EDA: variants seen among roughly 807,000 people sequenced by gnomAD.
EDA encodes the protein ectodysplasin A.
A neutral mutation model predicts 23.6 loss-of-function variants in EDA; 2 were observed. The observed-to-expected ratio is 0.08, with a 90% CI of 0.03 to 0.27. EDA has a LOEUF of 0.27. Ranked by LOEUF, EDA falls within the 10% of genes least tolerant of loss-of-function variation. The pLI is 1.00. For synonymous variants in EDA, 131 were observed against 132.0 expected (o/e 0.99, Z 0.05); for missense variants, 229 against 324.2 (o/e 0.71, Z 2.26).
chrX:69,778,232 C>A (rs1298973519), intron 1 of EDA, among the ~76,000 whole-genome samples: 1 of 111,057 alleles, frequency 9.0e-6, no homozygotes, highest in Non-Finnish European at 1.9e-5. Flanking sequence ...AAATAGAGAC[C>A]CCTACAAATA....
chrX:69,773,587 T>C (rs780294104), intron 1 of EDA, among the ~76,000 whole-genome samples: 25 of 111,658 alleles, frequency 2.2e-4, no homozygotes, highest in Non-Finnish European at 4.5e-4. Flanking sequence ...TTTTCTGTTT[T>C]TGTTGTTGTT....
At chrX:69,690,077 C>T (rs1001377960) in intron 1 of EDA, among the ~76,000 whole-genome samples, 2 of 106,922 alleles carry the variant, frequency 1.9e-5, no homozygotes, top group African/African-American at 6.8e-5. Context: ...TGTGTGGATT[C>T]CTTAGACTTT....
chrX:69,909,505 G>T (rs143148257), intron 1 of EDA, among the ~76,000 whole-genome samples: 1,376 of 112,128 alleles, frequency 0.012, 14 homozygotes, highest in African/African-American at 0.04. Flanking sequence ...CACCATGTTA[G>T]ACAGGCTGGT....
intron 1 of EDA, among the ~76,000 whole-genome samples, chrX:69,872,626 A>G (rs1184125187): frequency 4.5e-5 from 5 of 111,994 alleles, no homozygotes; most frequent in Non-Finnish European, 9.4e-5. Flanking sequence ...AACAAACTTT[A>G]GAGCAACAGC....
rs867170555 is a variant in EDA at position 70,012,725 on chromosome X, C to G, written c.503-10493C>G. 8.0e-5 allele frequency among the ~76,000 whole-genome samples: 9 copies of G among 112,656 alleles called. 1 individual carries two copies. In the Admixed American group the frequency reaches 8.4e-4, roughly 11 times the overall value. ...CTATAGTGGAAGAAGACTTTGTGAG[C>G]CCCGAGCCCAGCAAAGCTGCCTTAC... On this transcript the variant is annotated intron_variant, in intron 2 of 7. Coordinates refer to ENST00000374552, the MANE Select transcript of EDA (RefSeq NM_001399.5).
At chrX:69,735,635 A>C (rs1173415464) in intron 1 of EDA, among the ~76,000 whole-genome samples, 1 of 111,460 alleles carries the variant, frequency 9.0e-6, no homozygotes, top group East Asian at 2.8e-4. Flanking sequence ...GGATTCATAC[A>C]CAGAATTAGA....
At chrX:69,677,650 C>G (rs1324777237) in intron 1 of EDA, among the ~76,000 whole-genome samples, 2 of 111,404 alleles carry the variant, frequency 1.8e-5, no homozygotes, top group Non-Finnish European at 3.8e-5. Flanking sequence ...CTGTTCATGT[C>G]CTTTGCCCAC....
At chrX:69,957,200 C>G (rs1330292377) in intron 2 of EDA, 68 bp downstream of exon 2, 16 of 1,048,355 alleles carry the variant, frequency 1.5e-5, no homozygotes, top group Non-Finnish European at 2.1e-5. Flanking sequence ...CTTTTAAGAA[C>G]TACCTTCTTG....
At chrX:69,882,165 A>G (rs748241119) in intron 1 of EDA, among the ~76,000 whole-genome samples, 6 of 111,909 alleles carry the variant, frequency 5.4e-5, no homozygotes, top group Admixed American at 9.4e-5. Flanking sequence ...CCTTAATATT[A>G]TACCATTAGG....
chrX:69,761,991 T>C (rs1410282568), intron 1 of EDA, among the ~76,000 whole-genome samples: 2 of 111,792 alleles, frequency 1.8e-5, no homozygotes, highest in Non-Finnish European at 3.8e-5. Flanking sequence ...AGTCTTACTG[T>C]ACATTCATTC....
In EDA at chrX:70,038,588, G is replaced by T. The variant is rs2020294100; in HGVS notation, c.*2979G>T. ...CTGGCACAAAAGACAGCTGGCGGAG[G>T]CTGCTCGGCTACTGGTTACCTGGAG... On this transcript the variant is annotated 3_prime_UTR_variant, in exon 8 of 8. Transcript: ENST00000374552. 1 of 111,187 alleles carries T rather than the reference G, an allele frequency of 9.0e-6. No individual in the cohort carries two copies. Among genetic ancestry groups the T allele is most frequent in the Non-Finnish European group, 1.9e-5 (1 of 53,017 alleles). The allele number at this position is 111,187 out of a possible 1,213,427, so 9.2% of individuals were successfully genotyped here.
Position 70,029,522 on chromosome X carries a change from G to C in EDA, c.725G>C (p.Gly242Ala), listed in dbSNP as rs1434835027. 2 of 1,212,047 alleles carry C rather than the reference G, an allele frequency of 1.7e-6. No homozygotes were observed. The highest frequency in any genetic ancestry group is 2.2e-6 in the Non-Finnish European group (2 of 895,510). Residue 242 changes from glycine (G) to alanine (A), a missense_variant, in exon 5 of 8, where the codon GGA becomes GCA. Physicochemically the swap from Gly to Ala is moderately conservative, Grantham distance 60 (BLOSUM62 0). Around this residue, in one of 2 missense-constraint regions of EDA, gnomAD observed 175 missense variants for 281.8 expected, o/e 0.62. Coordinates refer to ENST00000374552, the MANE Select transcript of EDA (RefSeq NM_001399.5). ...QGPSGAADKAGTRENQPAVVH... is the reference protein window; with the variant it reads ...QGPSGAADKAATRENQPAVVH... ...TTTGCAGGTGCTGCTGATAAAGCTGGAACTCGAGAAAACCAGGTTGGCTGG... is the reference window on the plus strand; with the variant it reads ...TTTGCAGGTGCTGCTGATAAAGCTGCAACTCGAGAAAACCAGGTTGGCTGG...
chrX:69,783,131 A>G (rs890723336), intron 1 of EDA, among the ~76,000 whole-genome samples: 4 of 111,555 alleles, frequency 3.6e-5, no homozygotes, highest in Non-Finnish European at 7.5e-5. Flanking sequence ...ATAGTGGGCC[A>G]AGGGTAGATA....
intron 1 of EDA, among the ~76,000 whole-genome samples, chrX:69,811,480 T>C (rs747132901): frequency 1.6e-4 from 18 of 112,267 alleles, no homozygotes; most frequent in African/African-American, 5.5e-4. Flanking sequence ...GCACAACTCA[T>C]AGTGCAGGCT....
At chrX:70,013,239 A>G (rs148287856) in intron 2 of EDA, among the ~76,000 whole-genome samples, 2,266 of 111,017 alleles carry the variant, frequency 0.02, 19 homozygotes, top group Middle Eastern at 0.07. Context: ...CTTACTGCCC[A>G]TGGGCTGGGG....
chrX:69,989,936 C>CTTTTTTTT, intron 2 of EDA, among the ~76,000 whole-genome samples: 1 of 70,719 alleles, frequency 1.4e-5, no homozygotes, highest in Non-Finnish European at 2.6e-5. Flanking sequence ...GTTAGGCTTT[C>CTTTTTTTT]TTTTTTTTTT....
intron 1 of EDA, among the ~76,000 whole-genome samples, chrX:69,731,983 AT>A (rs1160724824): frequency 9.0e-6 from 1 of 110,877 alleles, no homozygotes; most frequent in Non-Finnish European, 1.9e-5. Context: ...TAGATGTTGA[AT>A]TTTGCCTAAT....
At position 69,868,603 on chromosome X, in the gene EDA, G is replaced by A. The variant is rs140312721; in HGVS notation, c.397-88424G>A. On this transcript the variant is annotated intron_variant, in intron 1 of 7. Transcript: ENST00000374552. Reference sequence around the variant, plus strand: ...TTCGAATCAGCAAAATGTCATCAATGTAATGGACCAGTATGATATCTTGCA... The same window carrying A: ...TTCGAATCAGCAAAATGTCATCAATATAATGGACCAGTATGATATCTTGCA... Among the ~76,000 whole-genome samples the A allele has an allele frequency of 9.0e-4, 101 of 112,201 alleles. No homozygotes were observed. In the East Asian group the frequency reaches 0.021, roughly 24 times the overall value.
In EDA at chrX:69,910,374, A is replaced by AGAGAGAGTGTGTGT. The variant is rs1191245556; in HGVS notation, c.397-46652_397-46651insAGAGAGTGTGTGTG. ...AGGAGAGAGAGAGAGAGAGAGAGAG[A>AGAGAGAGTGTGTGT]GTGTGTGTGTGTGTGTGTGTGTGTG... is the stretch of plus-strand genomic sequence containing the variant. On this transcript the variant is annotated intron_variant, in intron 1 of 7. Coordinates refer to ENST00000374552, the MANE Select transcript of EDA (RefSeq NM_001399.5). Among the ~76,000 whole-genome samples, 54 of 41,758 alleles carry AGAGAGAGTGTGTGT rather than the reference A, an allele frequency of 1.3e-3. 1 individual carries two copies. The East Asian group carries it at 0.022, about 17-fold the overall frequency. The allele number at this position is 41,758 out of a possible 115,157, so 36.3% of individuals were successfully genotyped here. A position where few individuals can be genotyped will look rare whatever the true frequency, so the allele number is the denominator to read the frequency against.
Sources: allele counts gnomAD v4.1 joint callset (sites outside exome capture counted in the v4.1 genomes callset), GRCh38; gene constraint gnomAD v4.1.1; regional missense constraint gnomAD v4.1.1; transcripts MANE v1.5; gene names NCBI Gene and HGNC (gene_info 2026-07-23, HGNC 2026-07-21).